Variants in CTNNA3 observed in about 807,000 individuals in gnomAD.
The protein encoded by CTNNA3 is catenin alpha 3, also known as catenin alpha-3.
In CTNNA3, 76 loss-of-function variants were observed where a neutral mutation model predicts 95.7. That is an observed-to-expected ratio of 0.79 (90% CI 0.66 to 0.96). The LOEUF (loss-of-function observed/expected upper bound fraction) is 0.96. CTNNA3 is among the 40% of genes least tolerant of loss of function. The pLI is 0.00. For synonymous variants in CTNNA3, 431 were observed against 374.4 expected, an observed-to-expected ratio of 1.15 and a Z score of -1.74; for missense variants, 1,191 against 1,089.8, an observed-to-expected ratio of 1.09 and a Z score of -1.31.
chr10:67,177,031 A>G (rs1307028735), intron 7 of CTNNA3: 2 of 462,540 alleles, frequency 4.3e-6, no homozygotes, highest in East Asian at 6.4e-5. Context: ...GTGTGTGGTA[A>G]TTTGTTACAG....
chr10:66,933,253 A>G (rs1049529428), intron 7 of CTNNA3, among the ~76,000 whole-genome samples: 1 of 152,252 alleles, frequency 6.6e-6, no homozygotes, highest in Non-Finnish European at 1.5e-5. Context: ...GTTTTCACAT[A>G]GGCACAGCTT....
At chr10:66,360,799 TCC>T (rs1491217667) in intron 12 of CTNNA3, among the ~76,000 whole-genome samples, 9 of 76,938 alleles carry the variant, frequency 1.2e-4, no homozygotes, top group East Asian at 7.9e-4. Context: ...CTTCCTTCCT[TCC>T]TTCCTTCCTT....
intron 11 of CTNNA3, among the ~76,000 whole-genome samples, chr10:66,483,678 T>C (rs912763908): frequency 6.6e-6 from 1 of 152,106 alleles, no homozygotes; most frequent in Non-Finnish European, 1.5e-5. Context: ...CACTGGTTTA[T>C]TGGAGGAACT....
intron 5 of CTNNA3, among the ~76,000 whole-genome samples, chr10:67,460,258 T>G (rs1252192899): frequency 1.3e-5 from 2 of 152,168 alleles, no homozygotes; most frequent in Non-Finnish European, 2.9e-5. Context: ...GGCCACTGGT[T>G]GGACCTGAAC....
At chr10:66,015,584 A>C (rs2079079299) in intron 15 of CTNNA3, among the ~76,000 whole-genome samples, 1 of 152,004 alleles carries the variant, frequency 6.6e-6, no homozygotes, top group Non-Finnish European at 1.5e-5. Flanking sequence ...CCATAGAAAA[A>C]GTTTGCCAAC....
At chr10:65,989,848 C>T (rs2078503318) in intron 15 of CTNNA3, among the ~76,000 whole-genome samples, 1 of 152,000 alleles carries the variant, frequency 6.6e-6, no homozygotes, top group Non-Finnish European at 1.5e-5. Context: ...CATTAACCAA[C>T]CTCTCTTATC....
intron 1 of CTNNA3, among the ~76,000 whole-genome samples, chr10:67,662,945 T>A (rs1840231570): frequency 6.6e-6 from 1 of 152,248 alleles, no homozygotes; most frequent in Admixed American, 6.5e-5. Flanking sequence ...CTACATTATT[T>A]CATTCACTAT....
intron 7 of CTNNA3, among the ~76,000 whole-genome samples, chr10:67,149,457 C>G (rs901070554): frequency 6.6e-6 from 1 of 151,964 alleles, no homozygotes; most frequent in Non-Finnish European, 1.5e-5. Context: ...TGGTGACAGG[C>G]GCCTGTAGTC....
intron 11 of CTNNA3, among the ~76,000 whole-genome samples, chr10:66,440,202 T>C (rs1340628609): frequency 1.3e-5 from 2 of 152,210 alleles, no homozygotes; most frequent in African/African-American, 2.4e-5. Flanking sequence ...ATGGGCTCAA[T>C]GTGACTGTCA....
chr10:66,708,070 T>C (rs1190688916), intron 9 of CTNNA3, among the ~76,000 whole-genome samples: 1 of 152,124 alleles, frequency 6.6e-6, no homozygotes, highest in African/African-American at 2.4e-5. Context: ...AAATAAACTT[T>C]ATAGAAATGG....
chr10:66,212,542 C>T (rs1381942670), intron 13 of CTNNA3, among the ~76,000 whole-genome samples: 2 of 151,720 alleles, frequency 1.3e-5, no homozygotes, highest in African/African-American at 4.8e-5. Flanking sequence ...TCTGCTTAAT[C>T]TTTTTTTTGA....
intron 12 of CTNNA3, among the ~76,000 whole-genome samples, chr10:66,338,881 C>T (rs774953719): frequency 1.4e-4 from 21 of 151,686 alleles, no homozygotes; most frequent in South Asian, 1.2e-3. Flanking sequence ...GAAAATGTTA[C>T]GCATGAAATA....
At chr10:66,175,981 G>A (rs1257646176) in intron 13 of CTNNA3, among the ~76,000 whole-genome samples, 2 of 152,054 alleles carry the variant, frequency 1.3e-5, no homozygotes, top group Non-Finnish European at 2.9e-5. Flanking sequence ...TTTATAATTA[G>A]GTAATTTTTC....
intron 9 of CTNNA3, among the ~76,000 whole-genome samples, chr10:66,696,181 T>C (rs1847755946): frequency 6.6e-6 from 1 of 152,202 alleles, no homozygotes; most frequent in Non-Finnish European, 1.5e-5. Context: ...GTTATATGAA[T>C]TTAACTTCAT....
At chr10:67,115,853 C>G (rs2131981160) in intron 7 of CTNNA3, among the ~76,000 whole-genome samples, 1 of 151,876 alleles carries the variant, frequency 6.6e-6, no homozygotes, top group Non-Finnish European at 1.5e-5. Context: ...TTTCATCTGA[C>G]ACTTCCTAGG....
chr10:66,414,494 G>A (rs892387705), intron 11 of CTNNA3, among the ~76,000 whole-genome samples: 2 of 152,062 alleles, frequency 1.3e-5, no homozygotes, highest in African/African-American at 4.8e-5. Flanking sequence ...TCCTAGCCAC[G>A]GGAGAGTCCT....
At chr10:65,945,224 G>A (rs2077498382) in intron 17 of CTNNA3, among the ~76,000 whole-genome samples, 1 of 151,946 alleles carries the variant, frequency 6.6e-6, no homozygotes, top group Non-Finnish European at 1.5e-5. Context: ...AGAGTTCAAA[G>A]GCTATGGTTG....
chr10:66,394,225 T>G (rs1453254986), intron 11 of CTNNA3, among the ~76,000 whole-genome samples: 1 of 152,030 alleles, frequency 6.6e-6, no homozygotes, highest in Non-Finnish European at 1.5e-5. Context: ...TAAGGAGCCA[T>G]CATAGCTAGA....
intron 7 of CTNNA3, among the ~76,000 whole-genome samples, chr10:67,049,937 A>T (rs1386638707): frequency 1.3e-5 from 2 of 152,222 alleles, no homozygotes; most frequent in Non-Finnish European, 2.9e-5. Context: ...AAATCCCTAA[A>T]TGTGTTCAGA....
Sources: allele counts gnomAD v4.1 joint callset (sites outside exome capture counted in the v4.1 genomes callset), GRCh38; gene constraint gnomAD v4.1.1; transcripts MANE v1.5; gene names NCBI Gene and HGNC (gene_info 2026-07-23, HGNC 2026-07-21).